ADAMTS2: variants seen among roughly 807,000 people sequenced by gnomAD.
The protein encoded by ADAMTS2 is A disintegrin and metalloproteinase with thrombospondin motifs 2.
In ADAMTS2, 50 loss-of-function variants were observed where a neutral mutation model predicts 123.0. The ratio of observed to expected loss-of-function variants is 0.41; its 90% CI spans 0.32 to 0.51. ADAMTS2 has a LOEUF of 0.51. ADAMTS2 is among the 20% of genes least tolerant of loss of function. ADAMTS2 has a pLI of 0.35. For missense variants in ADAMTS2, 1,494 were observed against 1,705.2 expected, an observed-to-expected ratio of 0.88 and a Z score of 2.18; for synonymous variants, 678 against 695.4, an observed-to-expected ratio of 0.98 and a Z score of 0.39.
chr5:179,286,032 G>A (rs1362180455), intron 2 of ADAMTS2, among the ~76,000 whole-genome samples: 1 of 152,032 alleles, frequency 6.6e-6, no homozygotes, highest in Non-Finnish European at 1.5e-5. Context: ...TGGGCAACAT[G>A]GTGAAACCCT....
rs1764258996 is a variant in ADAMTS2 at position 179,189,647 on chromosome 5, G to GCGCC, written c.892-8496_892-8493dup. 2.0e-5 allele frequency among the ~76,000 whole-genome samples: 3 copies of GCGCC among 148,502 alleles called. No individual in the cohort carries two copies. In the South Asian group the frequency reaches 6.7e-4, roughly 33 times the overall value. Reference sequence around the variant, plus strand: ...GCTGGGATTACAGGCGTGAGCCACCGCGCCCGGCCAGGAGCAATTTTTTGT... The same window carrying GCGCC: ...GCTGGGATTACAGGCGTGAGCCACCGCGCCCGCCCGGCCAGGAGCAATTTTTTGT... On this transcript the variant is annotated intron_variant, in intron 4 of 21. Coordinates refer to ENST00000251582, the MANE Select transcript of ADAMTS2 (RefSeq NM_014244.5). The surrounding 1 kb of genome is among the most constrained non-coding windows in gnomAD (Gnocchi z 4.2).
intron 3 of ADAMTS2, among the ~76,000 whole-genome samples, chr5:179,269,635 G>A (rs1159531659): frequency 1.3e-5 from 2 of 152,134 alleles, no homozygotes; most frequent in Non-Finnish European, 2.9e-5. Context: ...GATTCAGGTG[G>A]AGACACAGAG....
At chr5:179,229,545 C>T (rs959246620) in intron 3 of ADAMTS2, among the ~76,000 whole-genome samples, 2 of 152,214 alleles carry the variant, frequency 1.3e-5, no homozygotes, top group Admixed American at 6.5e-5. Flanking sequence ...CAGCCTTCCC[C>T]GGCCCCCAGG....
intron 2 of ADAMTS2, among the ~76,000 whole-genome samples, chr5:179,273,505 G>A (rs536980122): frequency 3.9e-5 from 6 of 152,148 alleles, no homozygotes; most frequent in Admixed American, 1.3e-4. Context: ...ACAGCCAGCC[G>A]GGGATTGAAT....
intron 10 of ADAMTS2, among the ~76,000 whole-genome samples, chr5:179,143,758 C>T (rs188399299): frequency 6.6e-6 from 1 of 150,680 alleles, no homozygotes; most frequent in African/African-American, 2.4e-5. Context: ...GTGTGTGTGA[C>T]AAGGAGCTTT....
intron 17 of ADAMTS2, 37 bp downstream of exon 17, chr5:179,127,922 C>T: frequency 6.2e-7 from 1 of 1,612,150 alleles, no homozygotes; most frequent in Non-Finnish European, 8.5e-7. Flanking sequence ...TGGTCACCCT[C>T]ATGTCACCCA....
At chr5:179,187,604 C>G (rs962571505) in intron 4 of ADAMTS2, among the ~76,000 whole-genome samples, 5 of 152,178 alleles carry the variant, frequency 3.3e-5, no homozygotes, top group Non-Finnish European at 5.9e-5. Flanking sequence ...TCCCCTCCCC[C>G]CAGCAGCCCT....
At chr5:179,156,237 A>T (rs1192487321) in intron 6 of ADAMTS2, among the ~76,000 whole-genome samples, 1 of 151,846 alleles carries the variant, frequency 6.6e-6, no homozygotes, top group Non-Finnish European at 1.5e-5. Flanking sequence ...TCTCTCCGGA[A>T]TCTTATTAGA....
chr5:179,145,601 G>C (rs1203069104), intron 10 of ADAMTS2, among the ~76,000 whole-genome samples: 1 of 152,186 alleles, frequency 6.6e-6, no homozygotes, highest in African/African-American at 2.4e-5. Flanking sequence ...AAGACGCCAG[G>C]CGCAAAATGT....
intron 2 of ADAMTS2, among the ~76,000 whole-genome samples, chr5:179,283,549 CAAA>C (rs3986816): frequency 1.4e-4 from 7 of 51,344 alleles, no homozygotes; most frequent in African/African-American, 5.7e-4. Context: ...AGAAAAACAG[CAAA>C]AAAAAAAAAA....
chr5:179,118,556 T>C lies in ADAMTS2; in HGVS notation c.3178+3105A>G, dbSNP rs537498279. Among the ~76,000 whole-genome samples, 1 of 152,364 alleles carries C rather than the reference T, an allele frequency of 6.6e-6. No individual in the cohort carries two copies. The highest frequency in any genetic ancestry group is 2.4e-5 in the African/African-American group (1 of 41,584). ...AACAGCACCTGCATTATTATTTGCT[T>C]AGTCATATCCTTTAAATTAACTCCT... On this transcript the variant is annotated intron_variant, in intron 21 of 21. Coordinates refer to ENST00000251582, the MANE Select transcript of ADAMTS2 (RefSeq NM_014244.5). The surrounding 1 kb of genome is among the most constrained non-coding windows in gnomAD (Gnocchi z 4.5).
Position 179,189,551 on chromosome 5 carries a change from G to A in ADAMTS2, c.892-8396C>T. Among the ~76,000 whole-genome samples, 1 of 137,296 alleles carries A rather than the reference G, an allele frequency of 7.3e-6. No homozygotes were observed. The highest frequency in any genetic ancestry group is 2.1e-4 in the East Asian group (1 of 4,832). 90.1% of individuals were successfully genotyped at this position (137,296 alleles called of 152,430 possible). A position where few individuals can be genotyped will look rare whatever the true frequency, so the allele number is the denominator to read the frequency against. ...TTTTTTTTTTTTTAGTAGAGGCAGG[G>A]TTTCACAATGTTAGCCAGGATGGTC... is the stretch of plus-strand genomic sequence containing the variant. On this transcript the variant is annotated intron_variant, in intron 4 of 21. Transcript: ENST00000251582. This position sits in a 1 kb window ranked among gnomAD's most constrained non-coding sequence, Gnocchi z 4.2.
At chr5:179,249,691 T>A (rs549351469) in intron 3 of ADAMTS2, among the ~76,000 whole-genome samples, 5 of 152,210 alleles carry the variant, frequency 3.3e-5, no homozygotes, top group African/African-American at 9.6e-5. Context: ...ACTACCAAAA[T>A]TGACTCAAGG....
intron 2 of ADAMTS2, among the ~76,000 whole-genome samples, chr5:179,300,117 G>C (rs1439479164): frequency 7.6e-6 from 1 of 132,274 alleles, no homozygotes; most frequent in Non-Finnish European, 1.6e-5. Context: ...AAAAAAAGAA[G>C]AATCCTTGCC....
intron 2 of ADAMTS2, among the ~76,000 whole-genome samples, chr5:179,325,897 T>C (rs1194143303): frequency 6.6e-6 from 1 of 152,188 alleles, no homozygotes; most frequent in Non-Finnish European, 1.5e-5. Flanking sequence ...CAGGTGTGGA[T>C]GGGAGGACAG....
intron 2 of ADAMTS2, among the ~76,000 whole-genome samples, chr5:179,309,158 C>T (rs903221862): frequency 6.6e-6 from 1 of 152,224 alleles, no homozygotes; most frequent in East Asian, 1.9e-4. Flanking sequence ...TCTGTGTTCC[C>T]CGGGTAGAGG....
chr5:179,153,749 G>A lies in ADAMTS2; in HGVS notation c.1383-126C>T, dbSNP rs576465196. 84 of 1,378,792 alleles carry A rather than the reference G, an allele frequency of 6.1e-5. No individual in the cohort carries two copies. In the African/African-American group the frequency reaches 1.1e-3, roughly 18 times the overall value. The allele number at this position is 1,378,792 out of a possible 1,614,324, so 85.4% of individuals were successfully genotyped here. A position where few individuals can be genotyped will look rare whatever the true frequency, so the allele number is the denominator to read the frequency against. ...TACCTGCACATCCCGGCCCCTGGCT[G>A]TGCTGCCTCAGTTTCCCTGCTGCAT... is the stretch of plus-strand genomic sequence containing the variant. On this transcript the variant is annotated intron_variant, in intron 8 of 21. Transcript: ENST00000251582.
intron 5 of ADAMTS2, among the ~76,000 whole-genome samples, chr5:179,165,030 C>A (rs900753458): frequency 6.6e-6 from 1 of 152,206 alleles, no homozygotes; most frequent in African/African-American, 2.4e-5. Flanking sequence ...GCAAGGCCCT[C>A]GCTACTGGAG....
intron 2 of ADAMTS2, among the ~76,000 whole-genome samples, chr5:179,293,253 A>C (rs1243552038): frequency 6.6e-6 from 1 of 152,216 alleles, no homozygotes; most frequent in South Asian, 2.1e-4. Context: ...ATCTTCACAA[A>C]AGAGGCAGCG....
Sources: gnomAD v4.1 joint callset for allele counts (sites outside exome capture counted in the v4.1 genomes callset) on GRCh38, gnomAD v4.1.1 for gene constraint, Gnocchi (gnomAD v3.1) non-coding constraint, MANE v1.5 for transcripts, NCBI Gene and HGNC (gene_info 2026-07-23, HGNC 2026-07-21) for gene names.